COL21A1: variants seen among roughly 807,000 people sequenced by gnomAD.
COL21A1 encodes the protein collagen alpha-1(XXI) chain.
COL21A1 carries 149 observed loss-of-function variants against 137.9 expected under a neutral mutation model. The observed-to-expected ratio is 1.08, with a 90% CI of 0.95 to 1.24. COL21A1 has a LOEUF of 1.24. Ranked by LOEUF, COL21A1 falls within the 50% of genes most tolerant of loss-of-function variation. The pLI, the probability that COL21A1 is intolerant of heterozygous loss-of-function variation, is 0.00. For synonymous variants in COL21A1, 456 were observed against 391.5 expected (o/e 1.16, Z -1.95); for missense variants, 1,167 against 1,158.4 (o/e 1.01, Z -0.11).
rs779051889 is a variant in COL21A1 at position 56,057,702 on chromosome 6, A to G, written c.2829T>C (p.Ser943=). The part of the protein sequence containing the change: ...PGICDPSLCF[S]VIARRDPFRK... ...TGAACGGATCTCTTCTGGCAATTAC[A>G]CTAAAACATAGTGATGGGTCGCAGA... is the stretch of plus-strand genomic sequence containing the variant. Residue 943 remains serine, a synonymous_variant, in exon 30 of 30, where the codon AGT becomes AGC. Coordinates refer to ENST00000244728, the MANE Select transcript of COL21A1 (RefSeq NM_030820.4). 1.9e-6 allele frequency: 3 copies of G among 1,613,102 alleles called. No homozygotes were observed. Among genetic ancestry groups the G allele is most frequent in the Non-Finnish European group, 1.7e-6 (2 of 1,179,610 alleles).
At chr6:56,211,726 A>C (rs1287170658) in intron 1 of COL21A1, among the ~76,000 whole-genome samples, 1 of 152,032 alleles carries the variant, frequency 6.6e-6, no homozygotes, top group Non-Finnish European at 1.5e-5. Context: ...AACAAACGCT[A>C]TTTCACTGGG....
At chr6:56,065,230 C>A (rs774563926) in intron 23 of COL21A1, among the ~76,000 whole-genome samples, 46 of 151,996 alleles carry the variant, frequency 3.0e-4, no homozygotes, top group Admixed American at 4.6e-4. Flanking sequence ...ATATTTATTG[C>A]GCAAAATAAT....
chr6:56,211,189 A>ATATATACATATACATG (rs1780148475), intron 1 of COL21A1, among the ~76,000 whole-genome samples: 2 of 13,478 alleles, frequency 1.5e-4, no homozygotes, highest in Admixed American at 1.2e-3. Context: ...ATATATATGT[A>ATATATACATATACATG]TATATGTATA....
intron 17 of COL21A1, among the ~76,000 whole-genome samples, chr6:56,091,128 T>C (rs902089044): frequency 3.3e-5 from 5 of 152,168 alleles, no homozygotes; most frequent in African/African-American, 1.2e-4. Flanking sequence ...CATGGGAAAT[T>C]ATCACAGCAA....
intron 16 of COL21A1, among the ~76,000 whole-genome samples, chr6:56,106,542 T>C (rs1315529047): frequency 2.6e-5 from 4 of 152,170 alleles, no homozygotes; most frequent in Non-Finnish European, 5.9e-5. Flanking sequence ...AACTTCATTA[T>C]ACATAAAAGA....
At chr6:56,385,574 C>T (rs1173561472) in intron 1 of COL21A1, among the ~76,000 whole-genome samples, 1 of 152,020 alleles carries the variant, frequency 6.6e-6, no homozygotes, top group African/African-American at 2.4e-5. Flanking sequence ...AGATAAAATC[C>T]ACATAACATA....
intron 1 of COL21A1, among the ~76,000 whole-genome samples, chr6:56,253,455 T>C (rs1446281382): frequency 6.6e-6 from 1 of 152,180 alleles, no homozygotes; most frequent in South Asian, 2.1e-4. Flanking sequence ...CCAAGTACCA[T>C]GTAAGCCTAG....
intron 1 of COL21A1, among the ~76,000 whole-genome samples, chr6:56,388,124 C>G (rs1052909587): frequency 2.0e-5 from 3 of 152,198 alleles, no homozygotes; most frequent in African/African-American, 7.2e-5. Context: ...TGATTGCAAG[C>G]CTTAATTCCT....
intron 1 of COL21A1, among the ~76,000 whole-genome samples, chr6:56,297,338 A>C (rs892964520): frequency 6.6e-6 from 1 of 152,060 alleles, no homozygotes; most frequent in Admixed American, 6.6e-5. Context: ...TTCCCTTCAA[A>C]TTACTTCATT....
At chr6:56,391,839 C>A (rs974715136) in intron 1 of COL21A1, among the ~76,000 whole-genome samples, 1 of 152,078 alleles carries the variant, frequency 6.6e-6, no homozygotes, top group African/African-American at 2.4e-5. Context: ...AGACCAACAA[C>A]AAGTAACAAG....
chr6:56,301,056 A>G (rs1764267937), intron 1 of COL21A1, among the ~76,000 whole-genome samples: 1 of 152,190 alleles, frequency 6.6e-6, no homozygotes, highest in African/African-American at 2.4e-5. Context: ...CACATGGGAA[A>G]TTATAAGGCA....
At position 56,168,196 on chromosome 6, in the gene COL21A1, A is replaced by T; in HGVS notation, c.1128T>A (p.His376Gln). 1 of 1,564,278 alleles carries T rather than the reference A, an allele frequency of 6.4e-7. No individual in the cohort carries two copies. ...CATTGATCAAGATCCCTAAAACTGGATGTAAGGGCTTGTTTTCAATTTGTT... is the reference window on the plus strand; with the variant it reads ...CATTGATCAAGATCCCTAAAACTGGTTGTAAGGGCTTGTTTTCAATTTGTT... ...DDQQIENKPL[H>Q]PVLGILINGQ... The change falls in exon 6 of 30, where the codon CAT (histidine) becomes CAA (glutamine). Residue 376 changes from histidine to glutamine, a missense_variant. Physicochemically the swap from His to Gln is conservative, Grantham distance 24. Transcript: ENST00000244728.
chr6:56,130,194 T>C lies in COL21A1; in HGVS notation c.1543-4045A>G, dbSNP rs1561898426. Among the ~76,000 whole-genome samples the C allele has an allele frequency of 1.9e-4, 3 of 15,776 alleles. No individual in the cohort carries two copies. In the East Asian group the frequency reaches 0.017, roughly 91 times the overall value. 10.3% of individuals were successfully genotyped at this position (15,776 alleles called of 152,430 possible). ...ATATATATATATATATATATATATATATATATATATATATATAAAATTTCA... is the reference window on the plus strand; with the variant it reads ...ATATATATATATATATATATATATACATATATATATATATATAAAATTTCA... On this transcript the variant is annotated intron_variant, in intron 12 of 29. Transcript: ENST00000244728.
chr6:56,062,040 T>C (rs1179588321), intron 24 of COL21A1, among the ~76,000 whole-genome samples: 1 of 152,138 alleles, frequency 6.6e-6, no homozygotes, highest in Non-Finnish European at 1.5e-5. Flanking sequence ...AGGTATATTT[T>C]TTCTTGTATT....
intron 16 of COL21A1, among the ~76,000 whole-genome samples, chr6:56,104,802 G>A (rs906306396): frequency 2.0e-5 from 3 of 152,120 alleles, no homozygotes; most frequent in African/African-American, 7.2e-5. Context: ...CCAGGCATGT[G>A]AAACTTGCAT....
At chr6:56,217,959 A>G (rs1439597754) in intron 1 of COL21A1, among the ~76,000 whole-genome samples, 1 of 152,118 alleles carries the variant, frequency 6.6e-6, no homozygotes, top group African/African-American at 2.4e-5. Context: ...AGCCAATTCT[A>G]ATCTGTCTCA....
chr6:56,375,922 G>A (rs753549973), intron 1 of COL21A1, among the ~76,000 whole-genome samples: 53 of 152,186 alleles, frequency 3.5e-4, no homozygotes, highest in Non-Finnish European at 8.8e-5. Context: ...TAGCTGGAGG[G>A]TTCACTTTTA....
chr6:56,074,838 T>A (rs1418123257), intron 19 of COL21A1, among the ~76,000 whole-genome samples: 2 of 151,424 alleles, frequency 1.3e-5, no homozygotes, highest in African/African-American at 4.8e-5. Flanking sequence ...TTAAATACTA[T>A]TATACATATT....
chr6:56,350,594 G>T (rs1173870117), intron 1 of COL21A1, among the ~76,000 whole-genome samples: 1 of 152,184 alleles, frequency 6.6e-6, no homozygotes, highest in Non-Finnish European at 1.5e-5. Context: ...TAACTTTTTA[G>T]TTAAGTTTGT....
Sources: gnomAD v4.1 joint callset for allele counts (sites outside exome capture counted in the v4.1 genomes callset) on GRCh38, gnomAD v4.1.1 for gene constraint, MANE v1.5 for transcripts, NCBI Gene and HGNC (gene_info 2026-07-23, HGNC 2026-07-21) for gene names.